SENP5: variants seen among roughly 807,000 people sequenced by gnomAD.
The protein encoded by SENP5 is sentrin-specific protease 5.
Under a neutral mutation model 74.2 loss-of-function variants are expected in SENP5, and 21 were observed. The observed-to-expected ratio is 0.28, with a 90% CI of 0.20 to 0.41. The LOEUF is 0.41. SENP5 is among the 10% of genes least tolerant of loss of function. The probability of loss-of-function intolerance (pLI) is 1.00; values close to 1 mark genes in which losing one functional copy is unlikely to be tolerated. For missense variants in SENP5, 717 were observed against 889.1 expected, an observed-to-expected ratio of 0.81 and a Z score of 2.46; for synonymous variants, 311 against 312.7, an observed-to-expected ratio of 0.99 and a Z score of 0.06.
At chr3:196,917,922 A>G (rs1715449139) in intron 6 of SENP5, among the ~76,000 whole-genome samples, 1 of 152,202 alleles carries the variant, frequency 6.6e-6, no homozygotes, top group Non-Finnish European at 1.5e-5. Context: ...TTGACACACT[A>G]ATTGCCGTGT....
At chr3:196,876,203 G>A (rs1375726365) in intron 1 of SENP5, among the ~76,000 whole-genome samples, 1 of 152,094 alleles carries the variant, frequency 6.6e-6, no homozygotes, top group Non-Finnish European at 1.5e-5. Context: ...ATGTCCCTAA[G>A]CTTAACAGTT....
rs182330467 is a variant in SENP5 at position 196,869,128 on chromosome 3, T to C, written c.-32+1055T>C. 2.8e-4 allele frequency among the ~76,000 whole-genome samples: 42 copies of C among 151,966 alleles called. 2 individuals carry two copies. The Middle Eastern group carries it at 0.021, about 74-fold the overall frequency. Reference sequence around the variant, plus strand: ...CTCAAGATAGCTTTTTCCCAGTGCATCTTTTCTAGGAGAAAAGCTTGGTAT... The same window carrying C: ...CTCAAGATAGCTTTTTCCCAGTGCACCTTTTCTAGGAGAAAAGCTTGGTAT... On this transcript the variant is annotated intron_variant, in intron 1 of 9. Coordinates refer to ENST00000323460, the MANE Select transcript of SENP5 (RefSeq NM_152699.5).
rs543154220 is a variant in SENP5 at position 196,905,763 on chromosome 3, G to A, written c.1884+2153G>A. 1.1e-4 allele frequency among the ~76,000 whole-genome samples: 16 copies of A among 152,176 alleles called. No homozygotes were observed. The East Asian group carries it at 2.9e-3, about 28-fold the overall frequency. ...GTTTTTATGGAGGCTTCATTACATAGGCGATTGACTAAACCAGTGACCATT... is the reference window on the plus strand; with the variant it reads ...GTTTTTATGGAGGCTTCATTACATAAGCGATTGACTAAACCAGTGACCATT... On this transcript the variant is annotated intron_variant, in intron 6 of 9. Transcript: ENST00000323460.
intron 5 of SENP5, among the ~76,000 whole-genome samples, chr3:196,902,854 G>T (rs2108839268): frequency 6.6e-6 from 1 of 152,294 alleles, no homozygotes; most frequent in South Asian, 2.1e-4. Context: ...TGTAACAACA[G>T]GAGTCTCTAA....
In SENP5 at chr3:196,900,028, C is replaced by G; in HGVS notation, c.1724C>G (p.Ala575Gly). 1 of 1,613,960 alleles carries G rather than the reference C, an allele frequency of 6.2e-7. No homozygotes were observed. The highest frequency in any genetic ancestry group is 1.3e-5 in the African/African-American group (1 of 75,004). Reference protein sequence around the residue: ...NKHMLDMDDLATLDGQNWLND... With the variant: ...NKHMLDMDDLGTLDGQNWLND... ...CACATGCTGGATATGGACGACCTGG[C>G]GACTCTGGATGGTCAGAACTGGCTG... The change falls in exon 4 of 10, where the codon GCG (alanine) becomes GGG (glycine). Residue 575 changes from alanine to glycine, a missense_variant. By Grantham distance (60) the Ala-to-Gly change is moderately conservative. This residue lies in a region of SENP5 where 64 missense variants were observed against 100.8 expected (regional missense o/e 0.64). Transcript: ENST00000323460.
At chr3:196,907,152 GC>G (rs1231941561) in intron 6 of SENP5, among the ~76,000 whole-genome samples, 1 of 152,098 alleles carries the variant, frequency 6.6e-6, no homozygotes, top group African/African-American at 2.4e-5. Context: ...ATAATTGGAT[GC>G]TACTTAAGCA....
At position 196,930,799 on chromosome 3, in the gene SENP5, CT is replaced by C. The variant is rs63736860; in HGVS notation, c.2158-5del. 1,113,914 of 1,531,026 alleles carry C rather than the reference CT, an allele frequency of 0.73. 407,347 individuals are homozygous for C. Among genetic ancestry groups the C allele is most frequent in the African/African-American group, 0.95 (69,234 of 72,794 alleles). The allele number at this position is 1,531,026 out of a possible 1,614,324, so 94.8% of individuals were successfully genotyped here. ...AGTGCCACTGAAGTGTTTCTGGGAC[CT>C]TTTTTTTTGCAGTACTGCAAGTGCC... On this transcript the variant is annotated splice_polypyrimidine_tract_variant and intron_variant, in intron 9 of 9. Coordinates refer to ENST00000323460, the MANE Select transcript of SENP5 (RefSeq NM_152699.5).
At chr3:196,908,313 A>G (rs1271659342) in intron 6 of SENP5, among the ~76,000 whole-genome samples, 1 of 152,144 alleles carries the variant, frequency 6.6e-6, no homozygotes, top group Non-Finnish European at 1.5e-5. Flanking sequence ...AACTACAGGA[A>G]AGTTAAACAA....
At chr3:196,876,991 T>A (rs1247593809) in intron 1 of SENP5, among the ~76,000 whole-genome samples, 1 of 152,166 alleles carries the variant, frequency 6.6e-6, no homozygotes, top group Non-Finnish European at 1.5e-5. Flanking sequence ...CATATTGGAC[T>A]CTGCCACCCA....
At chr3:196,880,673 CT>C (rs1553819135) in intron 1 of SENP5, among the ~76,000 whole-genome samples, 1 of 67,820 alleles carries the variant, frequency 1.5e-5, no homozygotes, top group Admixed American at 2.1e-4. Context: ...CGGAGTTTTG[CT>C]TTTGTACCCC....
intron 6 of SENP5, among the ~76,000 whole-genome samples, chr3:196,919,115 A>G (rs1715510297): frequency 6.6e-6 from 1 of 150,710 alleles, no homozygotes; most frequent in Admixed American, 6.6e-5. Context: ...GAAAAGAGCC[A>G]GAGAGAGAGA....
At chr3:196,920,595 A>G (rs944951034) in intron 6 of SENP5, among the ~76,000 whole-genome samples, 3 of 152,220 alleles carry the variant, frequency 2.0e-5, no homozygotes, top group Admixed American at 1.3e-4. Context: ...ATCTTTCCCT[A>G]GTTCTCAGTC....
chr3:196,879,123 T>A (rs1713609564), intron 1 of SENP5, among the ~76,000 whole-genome samples: 1 of 152,200 alleles, frequency 6.6e-6, no homozygotes, highest in Admixed American at 6.5e-5. Flanking sequence ...TGCATGATAC[T>A]TAGTATCCTT....
chr3:196,901,196 C>T (rs1319720242), intron 5 of SENP5, among the ~76,000 whole-genome samples: 1 of 151,682 alleles, frequency 6.6e-6, no homozygotes, highest in Non-Finnish European at 1.5e-5. Context: ...CAGGTGTGTG[C>T]CACCATGCCT....
At position 196,931,951 on chromosome 3, in the gene SENP5, T is replaced by TA. The variant is rs199628652; in HGVS notation, c.*1029dup. 5.5e-3 allele frequency: 2,498 copies of TA among 453,220 alleles called. 28 individuals carry two copies. Among genetic ancestry groups the TA allele is most frequent in the African/African-American group, 0.031 (1,535 of 49,920 alleles). 28.1% of individuals were successfully genotyped at this position (453,220 alleles called of 1,614,324 possible). On this transcript the variant is annotated 3_prime_UTR_variant, in exon 10 of 10. Coordinates refer to ENST00000323460, the MANE Select transcript of SENP5 (RefSeq NM_152699.5). ...AAGAGGGAAGGTAATAGAGACAACT[T>TA]AGTCCCATGGGAGCGCAGCAACCGT...
intron 1 of SENP5, among the ~76,000 whole-genome samples, chr3:196,884,044 C>T (rs1713840575): frequency 6.6e-6 from 1 of 152,176 alleles, no homozygotes; most frequent in Non-Finnish European, 1.5e-5. Flanking sequence ...AGACCAAATA[C>T]CACTTAAGAC....
At chr3:196,891,973 G>A (rs1455412920) in intron 2 of SENP5, among the ~76,000 whole-genome samples, 8 of 151,964 alleles carry the variant, frequency 5.3e-5, no homozygotes, top group African/African-American at 1.9e-4. Context: ...TGTATTTTTA[G>A]TAGAGACGGG....
chr3:196,907,703 G>A (rs1019591667), intron 6 of SENP5, among the ~76,000 whole-genome samples: 1 of 151,888 alleles, frequency 6.6e-6, no homozygotes, highest in Non-Finnish European at 1.5e-5. Flanking sequence ...AGTTGTCTTG[G>A]GCCACACATA....
At chr3:196,915,565 G>A (rs2108854034) in intron 6 of SENP5, among the ~76,000 whole-genome samples, 1 of 152,270 alleles carries the variant, frequency 6.6e-6, no homozygotes, top group African/African-American at 2.4e-5. Context: ...AATATCAGCG[G>A]TCGCCAGGCA....
Sources: gnomAD v4.1 joint callset for allele counts (sites outside exome capture counted in the v4.1 genomes callset) on GRCh38, gnomAD v4.1.1 for gene constraint, gnomAD v4.1.1 regional missense constraint, MANE v1.5 for transcripts, NCBI Gene and HGNC (gene_info 2026-07-23, HGNC 2026-07-21) for gene names.